The following MYH1 variants were observed in gnomAD, a reference collection of about 807,000 sequenced individuals.
The protein encoded by MYH1 is myosin heavy chain 1, also known as myosin-1.
A neutral mutation model predicts 225.6 loss-of-function variants in MYH1; 214 were observed. The ratio of observed to expected loss-of-function variants is 0.95; its 90% CI spans 0.85 to 1.06. The LOEUF (loss-of-function observed/expected upper bound fraction) is 1.06, where lower values mean the gene tolerates loss of function less well. MYH1 is among the 50% of genes least tolerant of loss of function. MYH1 has a pLI of 0.00. For missense variants in MYH1, 2,098 were observed against 2,344.2 expected (o/e 0.89, Z 2.17); for synonymous variants, 774 against 842.3 (o/e 0.92, Z 1.40).
rs2072992881 is a variant in MYH1, at chr17:10,496,266, T to C, written c.4940A>G (p.Tyr1647Cys). The C allele has an allele frequency of 4.3e-6, 7 of 1,614,178 alleles. No homozygotes were observed. Among genetic ancestry groups the C allele is most frequent in the Non-Finnish European group, 5.1e-6 (6 of 1,180,036 alleles). Residue 1647 changes from tyrosine to cysteine, a missense_variant, in exon 34 of 40, where the codon TAT becomes TGT. Coordinates refer to ENST00000226207, the MANE Select transcript of MYH1 (RefSeq NM_005963.4). ...CTTGAGGATGGCTTGGGTGTTCCTA[T>C]AGTTCCTCAGGGCCTCAGCAGCCAT... Reference protein sequence around the residue: ...NRMAAEALRNYRNTQAILKDT... With the variant: ...NRMAAEALRNCRNTQAILKDT...
At position 10,505,813 on chromosome 17, in the gene MYH1, TC is replaced by T. The variant is rs554270125; in HGVS notation, c.2172del (p.Arg725AspfsTer5). 3.8e-4 allele frequency: 615 copies of T among 1,613,914 alleles called. 6 individuals carry two copies. Among genetic ancestry groups the T allele is most frequent in the Non-Finnish European group, 6.8e-5 (80 of 1,179,876 alleles). On this transcript the variant is annotated frameshift_variant and splice_region_variant, in exon 19 of 40. Coordinates refer to ENST00000226207, the MANE Select transcript of MYH1 (RefSeq NM_005963.4). LOFTEE classifies it high-confidence loss of function. Reference protein sequence around the residue: ...PSRILYADFKQRYKVLNASAI... With the variant: ...PSRILYADFKXRYKVLNASAI... ...TAATTTACAGCAAAAATGTCTGACC[TC>T]TGTTTGAAGTCTGCATAAAGGATTC...
chr17:10,497,942 G>A (rs773441595), intron 30 of MYH1, 25 bp from the exon 31 acceptor site: 1 of 1,576,266 alleles, frequency 6.3e-7, no homozygotes, highest in East Asian at 2.2e-5. Context: ...CAATAAAAGT[G>A]AATGGCTGTC....
chr17:10,517,928 T>G (rs1298957832), intron 2 of MYH1, among the ~76,000 whole-genome samples: 1 of 152,214 alleles, frequency 6.6e-6, no homozygotes, highest in African/African-American at 2.4e-5. Context: ...TTTGAAATGT[T>G]ACATTGCATA....
At chr17:10,494,812 C>A in intron 37 of MYH1, 119 bp downstream of exon 37, 2 of 1,590,766 alleles carry the variant, frequency 1.3e-6, no homozygotes, top group Non-Finnish European at 8.6e-7. Flanking sequence ...AGCTTTTGGG[C>A]ATGAGGGAAT....
chr17:10,495,887 G>T, intron 35 of MYH1, 63 bp downstream of exon 35: 5 of 1,594,232 alleles, frequency 3.1e-6, no homozygotes, highest in South Asian at 1.1e-5. Flanking sequence ...ATAGTACCAC[G>T]ATTTCAGCAA....
At chr17:10,504,494 C>T (rs1478594267) in intron 22 of MYH1, among the ~76,000 whole-genome samples, 2 of 152,206 alleles carry the variant, frequency 1.3e-5, no homozygotes, top group African/African-American at 4.8e-5. Context: ...TTCTTTTTCA[C>T]AGCTCTTATT....
chr17:10,502,526 G>A (rs996115727), intron 24 of MYH1, among the ~76,000 whole-genome samples: 4 of 151,838 alleles, frequency 2.6e-5, no homozygotes, highest in Admixed American at 6.6e-5. Context: ...CTTTTTACCC[G>A]TATTGTCTAT....
chr17:10,500,556 A>G (rs1000081691), intron 28 of MYH1, 70 bp downstream of exon 28: 6 of 1,601,242 alleles, frequency 3.7e-6, no homozygotes, highest in South Asian at 2.2e-5. Flanking sequence ...AAATAAATGC[A>G]GAGTTTTTCA....
rs770408863 is a variant in MYH1, at chr17:10,508,381, C to A, written c.1879G>T (p.Ala627Ser). ...MKTLALLFVG[A>S]TGAEAEAGGG... ...TAATTACCTGCTTCCGCTCCCGTTG[C>A]CCCAACAAAGAGGAGAGCCAGAGTC... Residue 627 changes from alanine to serine, a missense_variant, in exon 16 of 40, where the codon GCA (alanine) becomes TCA (serine). Coordinates refer to ENST00000226207, the MANE Select transcript of MYH1 (RefSeq NM_005963.4). 1 of 1,604,106 alleles carries A rather than the reference C, an allele frequency of 6.2e-7. No homozygotes were observed. Among genetic ancestry groups the A allele is most frequent in the African/African-American group, 1.3e-5 (1 of 74,336 alleles).
Position 10,492,329 on chromosome 17 carries a change from T to C in MYH1, c.*87A>G. On this transcript the variant is annotated 3_prime_UTR_variant, in exon 40 of 40. Transcript: ENST00000226207. ...AAGTTTTTGGCAGATAAATTTTTTATCTCCAAAAGTCATAAGTACAAAATG... is the reference window on the plus strand; with the variant it reads ...AAGTTTTTGGCAGATAAATTTTTTACCTCCAAAAGTCATAAGTACAAAATG... 6.7e-7 allele frequency: 1 copy of C among 1,501,388 alleles called. No individual in the cohort carries two copies. Among genetic ancestry groups the C allele is most frequent in the Non-Finnish European group, 9.0e-7 (1 of 1,111,244 alleles). 93.0% of individuals were successfully genotyped at this position (1,501,388 alleles called of 1,614,324 possible).
chr17:10,498,210 A>G (rs573904467), intron 30 of MYH1, among the ~76,000 whole-genome samples: 1 of 152,372 alleles, frequency 6.6e-6, no homozygotes, highest in South Asian at 2.1e-4. Flanking sequence ...TCTGTAGAAT[A>G]TTAATATCTA....
In MYH1 at chr17:10,514,029, ACTT is replaced by A. The variant is rs1274132007; in HGVS notation, c.626_628del (p.Glu209del). 3 of 1,614,024 alleles carry A rather than the reference ACTT, an allele frequency of 1.9e-6. No individual in the cohort carries two copies. The highest frequency in any genetic ancestry group is 1.1e-5 in the South Asian group (1 of 91,088). On this transcript the variant is annotated inframe_deletion, in exon 7 of 40. Coordinates refer to ENST00000226207, the MANE Select transcript of MYH1 (RefSeq NM_005963.4). ...ACTCACCTGCATTTTGCCAGAAGTA[ACTT>A]CTTCCTTCTTCTTCTCCCCAGTAAC... is the stretch of plus-strand genomic sequence containing the variant.
Position 10,516,506 on chromosome 17 carries a change from G to A in MYH1, c.137C>T (p.Ser46Phe), listed in dbSNP as rs758295319. ...TSVFVVDPKESFVKATVQSRE... is the reference protein window; with the variant it reads ...TSVFVVDPKEFFVKATVQSRE... ...GCTCTGCACTGTTGCTTTCACAAAG[G>A]ACTCCTTAGGGTCCACCACAAAGAC... Residue 46 changes from serine (S) to phenylalanine (F), a missense_variant, in exon 3 of 40, where the codon TCC becomes TTC. Transcript: ENST00000226207. The A allele has an allele frequency of 1.2e-6, 2 of 1,614,172 alleles. No homozygotes were observed. Among genetic ancestry groups the A allele is most frequent in the South Asian group, 2.2e-5 (2 of 91,074 alleles).
Position 10,515,915 on chromosome 17 carries a change from G to T in MYH1, c.505+11C>A. ...AAAATAATTCATATGAAAACCAGCT[G>T]AGCCACTCACCAGTCAGCATGAACT... On this transcript the variant is annotated intron_variant, in intron 5 of 39. Transcript: ENST00000226207. 6.2e-7 allele frequency: 1 copy of T among 1,614,050 alleles called. No homozygotes were observed. Among genetic ancestry groups the T allele is most frequent in the East Asian group, 2.2e-5 (1 of 44,868 alleles).
At chr17:10,492,725 T>G (rs971060683) in intron 39 of MYH1, among the ~76,000 whole-genome samples, 157 bp from the exon 40 acceptor site, 3 of 151,556 alleles carry the variant, frequency 2.0e-5, no homozygotes, top group Non-Finnish European at 4.4e-5. Context: ...TTTTTTTTTA[T>G]TTTTGCATTA....
chr17:10,492,416 T>C lies in MYH1; in HGVS notation c.5820A>G (p.Ter1940=). ...EVHTKIISEE[*] ...GGTCACCTTTCAGCAGTTAGATAAA[T>C]TACTCTTCACTTATGATTTTTGTGT... Residue 1940 remains the stop codon, a stop_retained_variant, in exon 40 of 40, where the codon TAA becomes TAG. Transcript: ENST00000226207. 6.2e-7 allele frequency: 1 copy of C among 1,613,568 alleles called. No individual in the cohort carries two copies. The highest frequency in any genetic ancestry group is 1.1e-5 in the South Asian group (1 of 90,894).
chr17:10,495,119 A>T lies in MYH1; in HGVS notation c.5296-18T>A, dbSNP rs1391074737. ...ATGGCAGCCTAATTAGCAGTAAAAC[A>T]GAATGGGTTAAGACAGCTAAGACAG... On this transcript the variant is annotated intron_variant, in intron 36 of 39. Coordinates refer to ENST00000226207, the MANE Select transcript of MYH1 (RefSeq NM_005963.4). 1 of 1,614,108 alleles carries T rather than the reference A, an allele frequency of 6.2e-7. No individual in the cohort carries two copies. The highest frequency in any genetic ancestry group is 1.3e-5 in the African/African-American group (1 of 74,934).
At chr17:10,506,120 A>C (rs1177820011) in intron 17 of MYH1, 21 bp from the exon 18 acceptor site, 1 of 1,613,732 alleles carries the variant, frequency 6.2e-7, no homozygotes, top group East Asian at 2.2e-5. Context: ...ATGCGAGTTT[A>C]TACTTTAAAA....
chr17:10,510,023 A>G (rs905328293), intron 14 of MYH1, among the ~76,000 whole-genome samples: 3 of 152,126 alleles, frequency 2.0e-5, no homozygotes, highest in African/African-American at 7.2e-5. Context: ...ACTGGGGCCT[A>G]TTGGAGGGTG....
Sources: allele counts gnomAD v4.1 joint callset (sites outside exome capture counted in the v4.1 genomes callset), GRCh38; gene constraint gnomAD v4.1.1; transcripts MANE v1.5; gene names NCBI Gene and HGNC (gene_info 2026-07-23, HGNC 2026-07-21).